Variants in ARID5B observed in about 807,000 individuals in gnomAD.
ARID5B encodes the protein AT-rich interactive domain-containing protein 5B.
In ARID5B, 13 loss-of-function variants were observed where a neutral mutation model predicts 97.2. The ratio of observed to expected loss-of-function variants is 0.13; its 90% CI spans 0.09 to 0.21. ARID5B has a LOEUF of 0.21. Ranked by LOEUF, ARID5B falls within the 10% of genes least tolerant of loss-of-function variation. ARID5B has a pLI of 1.00. For synonymous variants in ARID5B, 556 were observed against 570.3 expected, an observed-to-expected ratio of 0.97 and a Z score of 0.36; for missense variants, 1,210 against 1,465.3, an observed-to-expected ratio of 0.83 and a Z score of 2.84.
intron 2 of ARID5B, among the ~76,000 whole-genome samples, chr10:61,917,504 T>C (rs923711551): frequency 2.6e-5 from 4 of 152,058 alleles, no homozygotes; most frequent in African/African-American, 4.8e-5. Context: ...AATTTTTGTA[T>C]TGTTAGTAGA....
chr10:61,902,821 AT>A (rs1843640784), intron 2 of ARID5B, among the ~76,000 whole-genome samples: 1 of 150,518 alleles, frequency 6.6e-6, no homozygotes, highest in Non-Finnish European at 1.5e-5. Context: ...GTCTGGGTGG[AT>A]TTCTTTCGGT....
chr10:62,005,091 G>A (rs1243712104), intron 4 of ARID5B, among the ~76,000 whole-genome samples: 4 of 152,230 alleles, frequency 2.6e-5, no homozygotes, highest in Non-Finnish European at 4.4e-5. Flanking sequence ...GTCATCAGCT[G>A]TTTGGTCCAT....
In ARID5B at chr10:62,000,831, TGATAGATA is replaced by T. The variant is rs10689655; in HGVS notation, c.733+546_733+553del. The stretch of plus-strand genomic sequence containing the variant: ...TACAGTAGATAGACACGTAGAGAGA[TGATAGATA>T]GATAGATAGATAGATAGATAGATAG... On this transcript the variant is annotated intron_variant, in intron 4 of 9. Coordinates refer to ENST00000279873, the MANE Select transcript of ARID5B (RefSeq NM_032199.3). The surrounding 1 kb of genome is among the most constrained non-coding windows in gnomAD (Gnocchi z 4.4). Among the ~76,000 whole-genome samples the T allele has an allele frequency of 0.012, 1,784 of 148,614 alleles. 13 individuals are homozygous for T. Among genetic ancestry groups the T allele is most frequent in the Middle Eastern group, 0.024 (7 of 288 alleles).
At chr10:61,959,089 A>T (rs1838434206) in intron 3 of ARID5B, among the ~76,000 whole-genome samples, 1 of 152,250 alleles carries the variant, frequency 6.6e-6, no homozygotes, top group Non-Finnish European at 1.5e-5. Context: ...TTTTCATATT[A>T]TATTCTTAGG....
At chr10:61,959,164 T>C (rs947416173) in intron 3 of ARID5B, among the ~76,000 whole-genome samples, 1 of 152,246 alleles carries the variant, frequency 6.6e-6, no homozygotes, top group African/African-American at 2.4e-5. Context: ...AACCTTTCCA[T>C]GAAAATGTCA....
At chr10:61,904,302 T>A (rs899579638) in intron 2 of ARID5B, among the ~76,000 whole-genome samples, 3 of 152,132 alleles carry the variant, frequency 2.0e-5, no homozygotes, top group Admixed American at 2.0e-4. Context: ...GAAATTGGGA[T>A]GTTTTTTAAA....
At chr10:62,069,920 AT>A in intron 8 of ARID5B, 123 bp downstream of exon 8, 1 of 917,040 alleles carries the variant, frequency 1.1e-6, no homozygotes, top group Non-Finnish European at 1.6e-6. Flanking sequence ...TCCCTCTGGC[AT>A]TTTACTTTGC....
intron 4 of ARID5B, among the ~76,000 whole-genome samples, chr10:62,036,866 A>G (rs929398490): frequency 5.9e-5 from 9 of 152,178 alleles, no homozygotes; most frequent in Admixed American, 6.5e-5. Context: ...GATGTGGAGA[A>G]TGACTAGCTG....
intron 8 of ARID5B, among the ~76,000 whole-genome samples, chr10:62,073,710 A>G (rs983180007): frequency 1.3e-5 from 2 of 152,238 alleles, no homozygotes; most frequent in Non-Finnish European, 2.9e-5. Context: ...GATTACCAAT[A>G]TAAAAAGCAT....
rs1840424303 is a variant in ARID5B, at chr10:62,093,746, T to G, written c.*716T>G. The G allele has an allele frequency of 1.7e-5, 4 of 232,284 alleles. No individual in the cohort carries two copies. The highest frequency in any genetic ancestry group is 3.4e-5 in the Non-Finnish European group (4 of 117,774). 14.4% of individuals were successfully genotyped at this position (232,284 alleles called of 1,614,324 possible). On this transcript the variant is annotated 3_prime_UTR_variant, in exon 10 of 10. Coordinates refer to ENST00000279873, the MANE Select transcript of ARID5B (RefSeq NM_032199.3). ...TTTTGTTTTTGAGGCTGACTGACTG[T>G]CCTAGTTGTTGTGTGTTTGTAATTT...
intron 2 of ARID5B, among the ~76,000 whole-genome samples, chr10:61,932,210 TA>T (rs1040999273): frequency 2.7e-5 from 4 of 150,728 alleles, no homozygotes; most frequent in Admixed American, 6.6e-5. Flanking sequence ...GCAATATGTC[TA>T]AAAAAAAAGT....
In ARID5B at chr10:62,091,828, T is replaced by C; in HGVS notation, c.2365T>C (p.Ser789Pro). ...SRSDPHRCSF[S>P]KHHLNPLADS... Reference sequence around the variant, plus strand: ...ATCAGATCCCCACCGCTGCAGCTTCTCCAAGCATCACCTTAACCCCCTTGC... The same window carrying C: ...ATCAGATCCCCACCGCTGCAGCTTCCCCAAGCATCACCTTAACCCCCTTGC... Residue 789 changes from serine to proline, a missense_variant, in exon 10 of 10, where the codon TCC becomes CCC. Coordinates refer to ENST00000279873, the MANE Select transcript of ARID5B (RefSeq NM_032199.3). 6.2e-7 allele frequency: 1 copy of C among 1,614,116 alleles called. No homozygotes were observed. Among genetic ancestry groups the C allele is most frequent in the Non-Finnish European group, 8.5e-7 (1 of 1,180,010 alleles).
At chr10:62,036,679 G>C (rs1463554115) in intron 4 of ARID5B, among the ~76,000 whole-genome samples, 1 of 152,200 alleles carries the variant, frequency 6.6e-6, no homozygotes, top group African/African-American at 2.4e-5. Context: ...ATGGTCTTGG[G>C]ATGACAGGGC....
chr10:62,091,924 C>G lies in ARID5B; in HGVS notation c.2461C>G (p.His821Asp), dbSNP rs147521761. Reference sequence around the variant, plus strand: ...ACTCTTAGAGAAAAGGGCCCTCCCCCATTCCCACATGCCTAGCTTCCTGGC... The same window carrying G: ...ACTCTTAGAGAAAAGGGCCCTCCCCGATTCCCACATGCCTAGCTTCCTGGC... Reference protein sequence around the residue: ...DKLLEKRALPHSHMPSFLADF... With the variant: ...DKLLEKRALPDSHMPSFLADF... The change falls in exon 10 of 10, where the codon CAT becomes GAT. Residue 821 changes from histidine (H) to aspartate (D), a missense_variant. Around this residue, in one of 8 missense-constraint regions of ARID5B, gnomAD observed 800 missense variants for 839.1 expected, o/e 0.95. Coordinates refer to ENST00000279873, the MANE Select transcript of ARID5B (RefSeq NM_032199.3). 1.3e-4 allele frequency: 209 copies of G among 1,613,710 alleles called. No individual in the cohort carries two copies. The highest frequency in any genetic ancestry group is 6.6e-4 in the Middle Eastern group (4 of 6,082).
chr10:61,948,031 G>C (rs1838264388), intron 3 of ARID5B, among the ~76,000 whole-genome samples: 1 of 152,216 alleles, frequency 6.6e-6, no homozygotes, highest in Non-Finnish European at 1.5e-5. Flanking sequence ...CTGAAAAGAA[G>C]TTTGTAGAAT....
intron 4 of ARID5B, among the ~76,000 whole-genome samples, chr10:62,003,037 A>G (rs1182144487): frequency 6.6e-6 from 1 of 152,222 alleles, no homozygotes; most frequent in Non-Finnish European, 1.5e-5. Context: ...TTGCTGTAAA[A>G]TACCTCCAAG....
rs1840475675 is a variant in ARID5B at position 62,096,701 on chromosome 10, A to G, written c.*3671A>G. 8.6e-6 allele frequency: 2 copies of G among 233,484 alleles called. No homozygotes were observed. The highest frequency in any genetic ancestry group is 4.4e-5 in the African/African-American group (2 of 45,352). 14.5% of individuals were successfully genotyped at this position (233,484 alleles called of 1,614,324 possible). A position where few individuals can be genotyped will look rare whatever the true frequency, so the allele number is the denominator to read the frequency against. On this transcript the variant is annotated 3_prime_UTR_variant, in exon 10 of 10. Transcript: ENST00000279873. ...TTATTTGTATATAGCAACATGGCCC[A>G]GTGATATTATATAGTTTCCCAATGG...
At chr10:61,935,314 C>T (rs1357938756) in intron 2 of ARID5B, among the ~76,000 whole-genome samples, 2 of 152,090 alleles carry the variant, frequency 1.3e-5, no homozygotes, top group African/African-American at 4.8e-5. Flanking sequence ...CCAGATGTCC[C>T]TCAGTCAGTG....
intron 4 of ARID5B, among the ~76,000 whole-genome samples, chr10:62,012,756 A>G (rs77943323): frequency 1.8e-3 from 281 of 152,318 alleles, no homozygotes; most frequent in African/African-American, 6.5e-3. Flanking sequence ...ATGCAATTTC[A>G]TATGTTAAAT....
Sources: gnomAD v4.1 joint callset for allele counts (sites outside exome capture counted in the v4.1 genomes callset) on GRCh38, gnomAD v4.1.1 for gene constraint, gnomAD v4.1.1 regional missense constraint, Gnocchi (gnomAD v3.1) non-coding constraint, MANE v1.5 for transcripts, NCBI Gene and HGNC (gene_info 2026-07-23, HGNC 2026-07-21) for gene names.